The following FAM240B variants were observed in gnomAD, a reference collection of about 807,000 sequenced individuals.
FAM240B encodes family with sequence similarity 240 member B.
intron 2 of FAM240B, among the ~76,000 whole-genome samples, 159 bp from the exon 3 acceptor site, chr9:38,695,028 C>T (rs1053169889): frequency 1.3e-5 from 2 of 152,176 alleles, no homozygotes; most frequent in Non-Finnish European, 2.9e-5. Flanking sequence ...TCAACTCCCA[C>T]TTATGAGTGA....
At chr9:38,709,561 G>C (rs551946827) in intron 1 of FAM240B, among the ~76,000 whole-genome samples, 2 of 152,236 alleles carry the variant, frequency 1.3e-5, no homozygotes, top group South Asian at 4.2e-4. Context: ...TGGTGCCCCC[G>C]TCGGGGCTCA....
At chr9:38,718,423 A>G (rs940915470) in intron 1 of FAM240B, among the ~76,000 whole-genome samples, 2 of 152,244 alleles carry the variant, frequency 1.3e-5, no homozygotes, top group Non-Finnish European at 2.9e-5. Flanking sequence ...TTCAGTCTCA[A>G]TGACATAACA....
intron 1 of FAM240B, among the ~76,000 whole-genome samples, chr9:38,716,244 G>A (rs1821301810): frequency 6.6e-6 from 1 of 152,150 alleles, no homozygotes; most frequent in Admixed American, 6.5e-5. Flanking sequence ...GGCTGAAGCA[G>A]GTGGATCACC....
chr9:38,716,027 C>T (rs2119015307), intron 1 of FAM240B, among the ~76,000 whole-genome samples: 1 of 152,302 alleles, frequency 6.6e-6, no homozygotes, highest in African/African-American at 2.4e-5. Context: ...GCTCATTCTG[C>T]CATGCACAGA....
chr9:38,708,232 C>T (rs903542548), intron 1 of FAM240B, among the ~76,000 whole-genome samples: 1 of 152,190 alleles, frequency 6.6e-6, no homozygotes, highest in Non-Finnish European at 1.5e-5. Context: ...GAAACCTCCT[C>T]CCTGTGCTCT....
chr9:38,704,926 C>A (rs1236475234), intron 1 of FAM240B, among the ~76,000 whole-genome samples: 2 of 152,210 alleles, frequency 1.3e-5, no homozygotes, highest in African/African-American at 4.8e-5. Context: ...CTCTACAGAT[C>A]TTCTTTGCTC....
chr9:38,712,650 T>C (rs1821269332), intron 1 of FAM240B, among the ~76,000 whole-genome samples: 1 of 152,178 alleles, frequency 6.6e-6, no homozygotes, highest in South Asian at 2.1e-4. Flanking sequence ...ATTCATTGGG[T>C]GCTGACATCA....
chr9:38,715,811 A>C (rs1351521563), intron 1 of FAM240B, among the ~76,000 whole-genome samples: 1 of 152,194 alleles, frequency 6.6e-6, no homozygotes, highest in Non-Finnish European at 1.5e-5. Flanking sequence ...CCCATGGACC[A>C]TGTAGCTAAC....
rs1821041542 is a variant in FAM240B, at chr9:38,694,329, G to A, written c.*447C>T. On this transcript the variant is annotated 3_prime_UTR_variant, in exon 3 of 3. Coordinates refer to ENST00000637493, the MANE Select transcript of FAM240B (RefSeq NM_001394922.1). ...ACATTTCTGTGTTCACAAAAAGCGG[G>A]GAAAGAAGGACAAGATTTTATGACT... 6.5e-6 allele frequency: 1 copy of A among 154,082 alleles called. No individual in the cohort carries two copies. The highest frequency in any genetic ancestry group is 6.5e-5 in the Admixed American group (1 of 15,326). The allele number at this position is 154,082 out of a possible 1,614,324, so 9.5% of individuals were successfully genotyped here. A position where few individuals can be genotyped will look rare whatever the true frequency, so the allele number is the denominator to read the frequency against.
At position 38,694,822 on chromosome 9, in the gene FAM240B, A is replaced by T. The variant is rs80305146; in HGVS notation, c.191T>A (p.Leu64Gln). The change falls in exon 3 of 3, where the codon CTG (leucine) becomes CAG (glutamine). Residue 64 changes from leucine (L) to glutamine (Q), a missense_variant. Leu to Gln is a moderately radical substitution (Grantham distance 113). Transcript: ENST00000637493. ...CTTTTCCTTCTCAACAGGGTTGTCC[A>T]GCATCCTCAGCCTCCTCTCCAGCCT... ...RQRLERRLRM[L>Q]DNPVEKEKPA... is the part of the protein sequence containing the mutation. 14 of 398,646 alleles carry T rather than the reference A, an allele frequency of 3.5e-5. No homozygotes were observed. The highest frequency in any genetic ancestry group is 6.2e-5 in the Non-Finnish European group (14 of 226,212). The allele number at this position is 398,646 out of a possible 1,614,324, so 24.7% of individuals were successfully genotyped here.
intron 1 of FAM240B, among the ~76,000 whole-genome samples, chr9:38,706,552 C>A (rs929553113): frequency 1.4e-4 from 22 of 152,056 alleles, no homozygotes; most frequent in Admixed American, 6.5e-5. Context: ...GTTAAATGAC[C>A]CCCTTCCAAG....
intron 1 of FAM240B, among the ~76,000 whole-genome samples, chr9:38,718,302 C>T (rs779876808): frequency 6.6e-6 from 1 of 152,198 alleles, no homozygotes; most frequent in African/African-American, 2.4e-5. Flanking sequence ...AATTGCAGGT[C>T]AAAGTCCAGG....
chr9:38,700,073 T>C (rs1468154573), intron 2 of FAM240B, among the ~76,000 whole-genome samples: 1 of 152,216 alleles, frequency 6.6e-6, no homozygotes, highest in Admixed American at 6.5e-5. Flanking sequence ...GCTCAGTGTG[T>C]TCACACAGGC....
At chr9:38,711,300 G>A (rs1456272539) in intron 1 of FAM240B, among the ~76,000 whole-genome samples, 1 of 152,234 alleles carries the variant, frequency 6.6e-6, no homozygotes, top group East Asian at 1.9e-4. Context: ...TGGAGATTCT[G>A]CTTCCACAGG....
intron 1 of FAM240B, among the ~76,000 whole-genome samples, chr9:38,715,670 ATGT>A (rs970719974): frequency 1.2e-4 from 19 of 152,346 alleles, no homozygotes; most frequent in Non-Finnish European, 1.8e-4. Context: ...TTATTTTTAA[ATGT>A]TGATGATAAT....
chr9:38,702,190 A>G (rs1821136766), intron 2 of FAM240B, among the ~76,000 whole-genome samples: 1 of 152,124 alleles, frequency 6.6e-6, no homozygotes, highest in South Asian at 2.1e-4. Context: ...CTGAGAATCT[A>G]CAGGATTGGA....
At chr9:38,705,752 C>G (rs182572490) in intron 1 of FAM240B, among the ~76,000 whole-genome samples, 1 of 152,196 alleles carries the variant, frequency 6.6e-6, no homozygotes, top group African/African-American at 2.4e-5. Context: ...CTGAAGGGAA[C>G]AGCATGTGTA....
intron 1 of FAM240B, among the ~76,000 whole-genome samples, chr9:38,713,434 C>A (rs78862151): frequency 0.053 from 7,667 of 144,694 alleles, 302 homozygotes; most frequent in Non-Finnish European, 0.086. Context: ...GCCGAGATCA[C>A]GCCACTGCAC....
chr9:38,695,421 AG>A (rs1224910435), intron 2 of FAM240B, among the ~76,000 whole-genome samples: 2 of 152,268 alleles, frequency 1.3e-5, no homozygotes, highest in African/African-American at 4.8e-5. Flanking sequence ...GCTACTGGGG[AG>A]GCTGAGATGG....
Sources: gnomAD v4.1 joint callset for allele counts (sites outside exome capture counted in the v4.1 genomes callset) on GRCh38, gnomAD v4.1.1 for gene constraint, MANE v1.5 for transcripts, NCBI Gene and HGNC (gene_info 2026-07-23, HGNC 2026-07-21) for gene names.